Variants in GLDC observed in about 807,000 individuals in gnomAD.
GLDC encodes the protein glycine decarboxylase.
Under a neutral mutation model 121.3 loss-of-function variants are expected in GLDC, and 104 were observed. That is an observed-to-expected ratio of 0.86 (90% confidence interval 0.73 to 1.01). The LOEUF (loss-of-function observed/expected upper bound fraction) is 1.01. Among genes scored for constraint, GLDC ranks in the 50% least tolerant of loss-of-function variants. GLDC has a pLI of 0.00. For missense variants in GLDC, 1,429 were observed against 1,306.6 expected (o/e 1.09, Z -1.44); for synonymous variants, 546 against 480.6 (o/e 1.14, Z -1.78).
At position 6,607,511 on chromosome 9, in the gene GLDC, G is replaced by A. The variant is rs549392787; in HGVS notation, c.636-842C>T. 6.6e-4 allele frequency among the ~76,000 whole-genome samples: 101 copies of A among 152,196 alleles called. No individual in the cohort carries two copies. In the East Asian group the frequency reaches 7.2e-3, roughly 11 times the overall value. On this transcript the variant is annotated intron_variant, in intron 4 of 24. Transcript: ENST00000321612. The stretch of plus-strand genomic sequence containing the variant: ...GCAGGAGAATTGCTTGAACCCGGGA[G>A]GCAGAGGTTGCAGTGAGCCAAGATC...
chr9:6,634,491 C>T (rs970310816), intron 2 of GLDC, among the ~76,000 whole-genome samples: 1 of 151,876 alleles, frequency 6.6e-6, no homozygotes, highest in African/African-American at 2.4e-5. Flanking sequence ...ATCGCACCAC[C>T]GCACTTGAGC....
chr9:6,638,560 CTCTG>C (rs1289984106), intron 2 of GLDC, among the ~76,000 whole-genome samples: 3 of 152,136 alleles, frequency 2.0e-5, no homozygotes, highest in African/African-American at 7.2e-5. Flanking sequence ...CAACTCTTAA[CTCTG>C]TCTTTCCATC....
intron 3 of GLDC, among the ~76,000 whole-genome samples, chr9:6,612,798 G>C (rs1286206412): frequency 2.6e-5 from 4 of 152,106 alleles, no homozygotes; most frequent in African/African-American, 9.7e-5. Flanking sequence ...GAAGGCGGAG[G>C]TTGCAGTGAG....
At chr9:6,553,816 C>G (rs2129716368) in intron 19 of GLDC, among the ~76,000 whole-genome samples, 1 of 152,252 alleles carries the variant, frequency 6.6e-6, no homozygotes, top group South Asian at 2.1e-4. Flanking sequence ...AGCCCCATTC[C>G]CTCACCCCTA....
At chr9:6,592,611 A>C (rs1200541890) in intron 10 of GLDC, among the ~76,000 whole-genome samples, 1 of 152,224 alleles carries the variant, frequency 6.6e-6, no homozygotes, top group East Asian at 1.9e-4. Context: ...TATTATGAAC[A>C]AAATATGTGC....
At chr9:6,562,654 G>A (rs1290863000) in intron 16 of GLDC, among the ~76,000 whole-genome samples, 1 of 152,146 alleles carries the variant, frequency 6.6e-6, no homozygotes, top group Non-Finnish European at 1.5e-5. Context: ...CTGCCTCCTG[G>A]ATTCAAGTGA....
rs143119940 is a variant in GLDC, at chr9:6,554,781, C to G, written c.2203G>C (p.Val735Leu). 4.3e-6 allele frequency: 7 copies of G among 1,610,452 alleles called. No individual in the cohort carries two copies. Among genetic ancestry groups the G allele is most frequent in the Non-Finnish European group, 5.9e-6 (7 of 1,177,966 alleles). Reference protein sequence around the residue: ...YLDGANMNAQVGICRPGDFGS... With the variant: ...YLDGANMNAQLGICRPGDFGS... The stretch of plus-strand genomic sequence containing the variant: ...AAGTCTCCAGGGCGACAGATTCCCA[C>G]CTACCACAAAGGCAAGGGCCAAAAG... Residue 735 changes from valine to leucine, a missense_variant and splice_region_variant, in exon 19 of 25, where the codon GTG (valine) becomes CTG (leucine). Physicochemically the swap from Val to Leu is conservative, Grantham distance 32. Coordinates refer to ENST00000321612, the MANE Select transcript of GLDC (RefSeq NM_000170.3).
At chr9:6,541,472 T>G (rs993197759) in intron 21 of GLDC, 4 of 152,090 alleles carry the variant, frequency 2.6e-5, no homozygotes, top group Non-Finnish European at 4.4e-5. Flanking sequence ...CTCCAGTAAT[T>G]AATAGCCCCT....
chr9:6,564,104 CG>C (rs1817809308), intron 16 of GLDC, among the ~76,000 whole-genome samples: 1 of 151,982 alleles, frequency 6.6e-6, no homozygotes, highest in Admixed American at 6.6e-5. Flanking sequence ...AAAAATTAGC[CG>C]GGCGTGGTGG....
chr9:6,639,668 A>AAAAAATATATATATAT, intron 2 of GLDC: 5,169 of 249,534 alleles, frequency 0.021, 133 homozygotes, highest in African/African-American at 0.026. Context: ...ATAAAAAAAA[A>AAAAAATATATATATAT]GTATATATAT....
At chr9:6,560,974 C>T (rs78981589) in intron 16 of GLDC, among the ~76,000 whole-genome samples, 12,143 of 152,206 alleles carry the variant, frequency 0.08, 529 homozygotes, top group South Asian at 0.14. Flanking sequence ...CTGACTGAAG[C>T]AGGAAGCTCG....
chr9:6,536,809 T>A (rs1253578004), intron 22 of GLDC, among the ~76,000 whole-genome samples: 2 of 152,188 alleles, frequency 1.3e-5, no homozygotes, highest in Non-Finnish European at 2.9e-5. Flanking sequence ...TTAAAGACTC[T>A]GGAGCAAATC....
At chr9:6,588,844 G>GCT (rs1818321047) in intron 12 of GLDC, 142 bp from the exon 13 acceptor site, 1 of 713,072 alleles carries the variant, frequency 1.4e-6, no homozygotes, top group Admixed American at 2.0e-5. Context: ...ACTACACTCA[G>GCT]AGAGAAGGGC....
intron 5 of GLDC, chr9:6,606,286 G>A (rs575873796): frequency 9.1e-4 from 333 of 365,754 alleles, no homozygotes; most frequent in Non-Finnish European, 1.5e-3. Flanking sequence ...CTCCAGCCTG[G>A]ACGACAGAGC....
chr9:6,543,925 T>A (rs991506282), intron 21 of GLDC, among the ~76,000 whole-genome samples: 1 of 142,640 alleles, frequency 7.0e-6, no homozygotes, highest in African/African-American at 2.7e-5. Context: ...AAGGTAAACG[T>A]TGGGTGGCTA....
At chr9:6,553,713 G>A (rs1011375643) in intron 19 of GLDC, among the ~76,000 whole-genome samples, 4 of 152,044 alleles carry the variant, frequency 2.6e-5, no homozygotes, top group African/African-American at 9.7e-5. Context: ...AGCCATCAGT[G>A]TCCCAGGGCT....
At chr9:6,613,418 G>A (rs1454863365) in intron 3 of GLDC, among the ~76,000 whole-genome samples, 1 of 152,032 alleles carries the variant, frequency 6.6e-6, no homozygotes, top group Non-Finnish European at 1.5e-5. Flanking sequence ...CTTGCACCAG[G>A]AGTTCGAGAC....
At chr9:6,629,957 A>ATATATTTTT in intron 2 of GLDC, among the ~76,000 whole-genome samples, 1 of 83,102 alleles carries the variant, frequency 1.2e-5, no homozygotes, top group African/African-American at 6.9e-5. Context: ...ATATATATAT[A>ATATATTTTT]TTTTTTTTTT....
At chr9:6,638,404 G>A (rs190002620) in intron 2 of GLDC, among the ~76,000 whole-genome samples, 7 of 151,704 alleles carry the variant, frequency 4.6e-5, no homozygotes, top group South Asian at 2.1e-4. Flanking sequence ...TAGTAGAGAC[G>A]GGGATTCACC....
Sources: allele counts gnomAD v4.1 joint callset (sites outside exome capture counted in the v4.1 genomes callset), GRCh38; gene constraint gnomAD v4.1.1; transcripts MANE v1.5; gene names NCBI Gene and HGNC (gene_info 2026-07-23, HGNC 2026-07-21).